The following GLMN variants were observed in gnomAD, a reference collection of about 807,000 sequenced individuals.
GLMN encodes the protein glomulin.
In GLMN, 75 loss-of-function variants were observed where a neutral mutation model predicts 87.8. The ratio of observed to expected loss-of-function variants is 0.85; its 90% CI spans 0.71 to 1.04. GLMN has a LOEUF of 1.04. Ranked by LOEUF, GLMN falls within the 50% of genes least tolerant of loss-of-function variation. The pLI is 0.00. For synonymous variants in GLMN, 206 were observed against 221.6 expected (o/e 0.93, Z 0.63); for missense variants, 588 against 658.8 (o/e 0.89, Z 1.18).
At chr1:92,257,442 A>T (rs1654415986) in intron 16 of GLMN, among the ~76,000 whole-genome samples, 1 of 152,238 alleles carries the variant, frequency 6.6e-6, no homozygotes, top group Admixed American at 6.5e-5. Context: ...TAGCCAGGAC[A>T]ATCCTAAGCA....
chr1:92,271,365 T>C, intron 8 of GLMN, 100 bp downstream of exon 8: 1 of 848,932 alleles, frequency 1.2e-6, no homozygotes. Flanking sequence ...TTATTTAAAA[T>C]GTATTAGTGT....
the GLMN span, among the ~76,000 whole-genome samples, chr1:92,360,213 A>G: frequency 2.4e-3 from 365 of 152,340 alleles, 2 homozygotes; most frequent in Non-Finnish European, 3.8e-3. Flanking sequence ...TGTAGTAACT[A>G]CCTTTCTAGA....
chr1:92,361,373 C>A, the GLMN span, among the ~76,000 whole-genome samples: 1 of 152,048 alleles, frequency 6.6e-6, no homozygotes, highest in Non-Finnish European at 1.5e-5. Context: ...ACTTAGTAAG[C>A]ATTCAGTGAA....
chr1:92,343,378 A>T, the GLMN span, among the ~76,000 whole-genome samples: 23 of 152,204 alleles, frequency 1.5e-4, no homozygotes, highest in African/African-American at 5.3e-4. Context: ...TTTCACAGCC[A>T]TCAAACAACG....
At chr1:92,321,284 A>G in the GLMN span, among the ~76,000 whole-genome samples, 1 of 152,242 alleles carries the variant, frequency 6.6e-6, no homozygotes, top group Non-Finnish European at 1.5e-5. Context: ...AGTATGAAAT[A>G]CATGAAAGTT....
Position 92,288,964 on chromosome 1 carries a change from G to C in GLMN, c.582C>G (p.Asn194Lys). Residue 194 changes from asparagine to lysine, a missense_variant, in exon 6 of 19, where the codon AAC becomes AAG. Coordinates refer to ENST00000370360, the MANE Select transcript of GLMN (RefSeq NM_053274.3). Reference sequence around the variant, plus strand: ...TTTCATTTTCCAGTGAGTTTTCTTTGTTATCAATGACTTCTTCCACAAAAG... The same window carrying C: ...TTTCATTTTCCAGTGAGTTTTCTTTCTTATCAATGACTTCTTCCACAAAAG... Reference protein sequence around the residue: ...TKPFVEEVIDNKENSLENEKL... With the variant: ...TKPFVEEVIDKKENSLENEKL... 1 of 1,611,034 alleles carries C rather than the reference G, an allele frequency of 6.2e-7. No individual in the cohort carries two copies.
At chr1:92,246,882 G>T (rs1437555324) in intron 18 of GLMN, among the ~76,000 whole-genome samples, 180 bp downstream of exon 18, 1 of 152,086 alleles carries the variant, frequency 6.6e-6, no homozygotes, top group African/African-American at 2.4e-5. Context: ...AATTAGCCAG[G>T]CATGGTGGTG....
the GLMN span, among the ~76,000 whole-genome samples, chr1:92,307,001 G>T: frequency 6.6e-6 from 1 of 152,092 alleles, no homozygotes; most frequent in East Asian, 1.9e-4. Flanking sequence ...AATGCGGAGG[G>T]TGATGCAGTT....
At chr1:92,359,566 C>T in the GLMN span, among the ~76,000 whole-genome samples, 19 of 152,242 alleles carry the variant, frequency 1.2e-4, no homozygotes, top group Admixed American at 2.6e-4. Context: ...ATGATTCACC[C>T]GCCTTGGCCT....
At chr1:92,254,074 T>C (rs2100808372) in intron 16 of GLMN, among the ~76,000 whole-genome samples, 1 of 152,260 alleles carries the variant, frequency 6.6e-6, no homozygotes, top group South Asian at 2.1e-4. Flanking sequence ...AGAACATAAA[T>C]GACCTGATGG....
the GLMN span, among the ~76,000 whole-genome samples, chr1:92,366,316 C>A: frequency 6.6e-6 from 1 of 152,104 alleles, no homozygotes; most frequent in Non-Finnish European, 1.5e-5. Flanking sequence ...AAAAAAGTGT[C>A]TGAATTTTAA....
upstream of GLMN, among the ~76,000 whole-genome samples, chr1:92,300,712 A>G (rs1389142208): frequency 1.3e-5 from 2 of 152,250 alleles, no homozygotes; most frequent in African/African-American, 2.4e-5. Flanking sequence ...GGGGATTAAA[A>G]GCATATGTAG....
chr1:92,281,156 C>T (rs1647998318), intron 7 of GLMN, among the ~76,000 whole-genome samples: 1 of 152,122 alleles, frequency 6.6e-6, no homozygotes, highest in Non-Finnish European at 1.5e-5. Flanking sequence ...AACCCCAAGA[C>T]ACATAATTGT....
the GLMN span, among the ~76,000 whole-genome samples, chr1:92,360,114 T>G: frequency 6.6e-6 from 1 of 152,254 alleles, no homozygotes; most frequent in Non-Finnish European, 1.5e-5. Context: ...TCAAAATATG[T>G]ACTTTGCACT....
At chr1:92,270,705 A>G (rs1157920229) in intron 8 of GLMN, among the ~76,000 whole-genome samples, 1 of 152,116 alleles carries the variant, frequency 6.6e-6, no homozygotes, top group Non-Finnish European at 1.5e-5. Flanking sequence ...TTTAATAAAC[A>G]TTGTGGGAAA....
At chr1:92,291,284 CT>C (rs1440225596) in intron 4 of GLMN, 133 bp downstream of exon 4, 9 of 792,236 alleles carry the variant, frequency 1.1e-5, no homozygotes, top group Non-Finnish European at 1.7e-5. Flanking sequence ...AAGACTGGGT[CT>C]TTTCTCCAAC....
intron 15 of GLMN, among the ~76,000 whole-genome samples, chr1:92,263,267 G>GA (rs961344771): frequency 2.5e-4 from 37 of 147,842 alleles, no homozygotes; most frequent in Admixed American, 8.8e-4. Flanking sequence ...TGTTCTATAT[G>GA]AAAAAAAAAA....
At chr1:92,248,127 T>C in intron 16 of GLMN, 138 bp from the exon 17 acceptor site, 1 of 624,424 alleles carries the variant, frequency 1.6e-6, no homozygotes, top group Admixed American at 2.7e-5. Flanking sequence ...ATTTAATAAT[T>C]ATTACTATAG....
chr1:92,309,548 TACAC>T, the GLMN span, among the ~76,000 whole-genome samples: 1 of 40,468 alleles, frequency 2.5e-5, no homozygotes, highest in Non-Finnish European at 4.1e-5. Context: ...CACATACACA[TACAC>T]ATACACATAC....
Sources: allele counts gnomAD v4.1 joint callset (sites outside exome capture counted in the v4.1 genomes callset), GRCh38; gene constraint gnomAD v4.1.1; transcripts MANE v1.5; gene names NCBI Gene and HGNC (gene_info 2026-07-23, HGNC 2026-07-21).